Variants in TRIO observed in about 807,000 individuals in gnomAD.
TRIO encodes the protein triple functional domain protein.
Under a neutral mutation model 351.9 loss-of-function variants are expected in TRIO, and 58 were observed. The observed-to-expected ratio is 0.16, with a 90% CI of 0.13 to 0.21. The LOEUF is 0.21. TRIO is among the 10% of genes least tolerant of loss of function. The probability of loss-of-function intolerance (pLI) is 1.00; values close to 1 mark genes in which losing one functional copy is unlikely to be tolerated. For missense variants in TRIO, 3,201 were observed against 4,027.8 expected (o/e 0.79, Z 5.56); for synonymous variants, 1,758 against 1,595.7 (o/e 1.10, Z -2.42).
chr5:14,374,520 A>G (rs1242236642), intron 19 of TRIO, among the ~76,000 whole-genome samples, 177 bp downstream of exon 19: 1 of 152,224 alleles, frequency 6.6e-6, no homozygotes, highest in African/African-American at 2.4e-5. Flanking sequence ...AAACAAATTT[A>G]TAGGTTGATA....
At chr5:14,221,408 T>C (rs1334293600) in intron 1 of TRIO, among the ~76,000 whole-genome samples, 1 of 152,128 alleles carries the variant, frequency 6.6e-6, no homozygotes, top group African/African-American at 2.4e-5. Context: ...AAAATACATT[T>C]TGTAAGGCTG....
chr5:14,231,372 C>G (rs188754161), intron 1 of TRIO, among the ~76,000 whole-genome samples: 18 of 152,308 alleles, frequency 1.2e-4, no homozygotes, highest in African/African-American at 4.3e-4. Context: ...ATGTTGGCCA[C>G]TCACTTTTAT....
intron 1 of TRIO, among the ~76,000 whole-genome samples, chr5:14,192,367 C>G (rs1456833929): frequency 2.0e-5 from 3 of 151,834 alleles, no homozygotes; most frequent in African/African-American, 7.3e-5. Context: ...TTAAGTGATC[C>G]TCCCACCTCA....
chr5:14,161,814 C>T (rs1203593464), intron 1 of TRIO, among the ~76,000 whole-genome samples: 1 of 152,172 alleles, frequency 6.6e-6, no homozygotes, highest in South Asian at 2.1e-4. Flanking sequence ...GCAGCCTTCA[C>T]CTTGTGGGCT....
chr5:14,196,854 A>G (rs1176746337), intron 1 of TRIO, among the ~76,000 whole-genome samples: 2 of 152,248 alleles, frequency 1.3e-5, no homozygotes, highest in Admixed American at 6.5e-5. Context: ...AAATTTGCAT[A>G]TGCCATTCGA....
chr5:14,296,070 T>C (rs893532248), intron 6 of TRIO, among the ~76,000 whole-genome samples: 5 of 152,070 alleles, frequency 3.3e-5, no homozygotes, highest in African/African-American at 1.2e-4. Flanking sequence ...AAGGAGGCTG[T>C]TGTGGGGTCC....
chr5:14,473,855 T>C, intron 39 of TRIO, 139 bp from the exon 40 acceptor site: 1 of 680,194 alleles, frequency 1.5e-6, no homozygotes, highest in Non-Finnish European at 2.4e-6. Context: ...ATCGGTTTTT[T>C]TTGTTTGTTT....
intron 8 of TRIO, among the ~76,000 whole-genome samples, chr5:14,311,306 T>C (rs1484301484): frequency 6.6e-6 from 1 of 152,210 alleles, no homozygotes; most frequent in Non-Finnish European, 1.5e-5. Flanking sequence ...TTTACAGGTG[T>C]CAGAGAGTCA....
intron 10 of TRIO, 138 bp from the exon 11 acceptor site, chr5:14,336,398 C>T: frequency 1.2e-6 from 1 of 848,704 alleles, no homozygotes; most frequent in Non-Finnish European, 1.9e-6. Context: ...CATCTCTCCC[C>T]ATCATATTTT....
At chr5:14,311,761 C>T (rs1350317336) in intron 8 of TRIO, among the ~76,000 whole-genome samples, 9 of 152,126 alleles carry the variant, frequency 5.9e-5, no homozygotes, top group Non-Finnish European at 1.2e-4. Flanking sequence ...CAGGCCATGG[C>T]GAGCTAAGCC....
intron 34 of TRIO, among the ~76,000 whole-genome samples, chr5:14,428,403 T>G (rs1441325552): frequency 6.6e-6 from 1 of 152,142 alleles, no homozygotes; most frequent in East Asian, 1.9e-4. Context: ...TTAATTAGCT[T>G]GGAAAAGAGC....
chr5:14,148,672 G>A (rs969047235), intron 1 of TRIO, among the ~76,000 whole-genome samples: 2 of 152,206 alleles, frequency 1.3e-5, no homozygotes, highest in African/African-American at 4.8e-5. Context: ...CCTGGACAGT[G>A]AAGACTTGGA....
chr5:14,473,337 G>A (rs1388199043), intron 39 of TRIO, among the ~76,000 whole-genome samples: 1 of 152,150 alleles, frequency 6.6e-6, no homozygotes, highest in South Asian at 2.1e-4. Context: ...TTGCAGATTT[G>A]TACAGGACAA....
chr5:14,177,563 T>C (rs1467246999), intron 1 of TRIO, among the ~76,000 whole-genome samples: 1 of 152,164 alleles, frequency 6.6e-6, no homozygotes, highest in East Asian at 1.9e-4. Context: ...TATGATCAGA[T>C]AGGAAATTTA....
At chr5:14,390,857 A>C (rs375760241) in intron 26 of TRIO, 44 bp from the exon 27 acceptor site, 3 of 1,522,696 alleles carry the variant, frequency 2.0e-6, no homozygotes, top group Non-Finnish European at 2.7e-6. Context: ...TCATGCGTTG[A>C]CTTGTTATGA....
chr5:14,336,479 C>A, intron 10 of TRIO, 57 bp from the exon 11 acceptor site: 1 of 1,580,474 alleles, frequency 6.3e-7, no homozygotes, highest in Non-Finnish European at 8.7e-7. Flanking sequence ...TGGCGCCCAG[C>A]CTGGCTGGTC....
intron 1 of TRIO, among the ~76,000 whole-genome samples, chr5:14,158,285 C>A (rs1281709197): frequency 1.3e-5 from 2 of 151,898 alleles, no homozygotes; most frequent in African/African-American, 4.8e-5. Context: ...ATTAGCTGAG[C>A]GTGGTGGTGC....
chr5:14,468,558 G>T (rs1328312426), intron 37 of TRIO, among the ~76,000 whole-genome samples: 3 of 152,218 alleles, frequency 2.0e-5, no homozygotes, highest in Non-Finnish European at 4.4e-5. Context: ...TTCAAGAGAA[G>T]CATCACCCTG....
At chr5:14,414,278 G>C (rs1375823602) in intron 33 of TRIO, among the ~76,000 whole-genome samples, 2 of 152,226 alleles carry the variant, frequency 1.3e-5, no homozygotes, top group African/African-American at 2.4e-5. Flanking sequence ...TATGCTAAAA[G>C]CAAGAGTACA....
Sources: allele counts gnomAD v4.1 joint callset (sites outside exome capture counted in the v4.1 genomes callset), GRCh38; gene constraint gnomAD v4.1.1; transcripts MANE v1.5; gene names NCBI Gene and HGNC (gene_info 2026-07-23, HGNC 2026-07-21).